Variants in VRTN observed in about 807,000 individuals in gnomAD.
VRTN encodes vertebrae development associated.
VRTN carries 5 observed loss-of-function variants against 18.2 expected under a neutral mutation model. That is an observed-to-expected ratio of 0.27 (90% CI 0.14 to 0.58). The LOEUF is 0.58. VRTN is among the 20% of genes least tolerant of loss of function. The pLI, the probability that VRTN is intolerant of heterozygous loss-of-function variation, is 0.91. For missense variants in VRTN, 741 were observed against 939.4 expected (o/e 0.79, Z 2.76); for synonymous variants, 381 against 393.7 (o/e 0.97, Z 0.38).
chr14:74,321,505 C>CTTT (rs564056249), intron 1 of VRTN, among the ~76,000 whole-genome samples: 12 of 129,104 alleles, frequency 9.3e-5, no homozygotes, highest in African/African-American at 2.4e-4. Flanking sequence ...CTTTCATTTG[C>CTTT]TTTTTTTTTT....
intron 1 of VRTN, among the ~76,000 whole-genome samples, chr14:74,336,895 T>A (rs1391477658): frequency 6.6e-6 from 1 of 152,222 alleles, no homozygotes; most frequent in Non-Finnish European, 1.5e-5. Context: ...GCTTTAGATC[T>A]TATCTAGATG....
At chr14:74,314,024 G>A (rs1246856900) in intron 1 of VRTN, among the ~76,000 whole-genome samples, 2 of 152,084 alleles carry the variant, frequency 1.3e-5, no homozygotes, top group Non-Finnish European at 2.9e-5. Context: ...GTATTGAAGG[G>A]GTGGAAAGGT....
rs1295870438 is a variant in VRTN at position 74,359,146 on chromosome 14, T to C, written c.*254T>C. 1.5e-6 allele frequency: 1 copy of C among 672,034 alleles called. No individual in the cohort carries two copies. Among genetic ancestry groups the C allele is most frequent in the Non-Finnish European group, 2.2e-6 (1 of 462,446 alleles). 41.6% of individuals were successfully genotyped at this position (672,034 alleles called of 1,614,324 possible). On this transcript the variant is annotated 3_prime_UTR_variant, in exon 2 of 2. Transcript: ENST00000256362. The stretch of plus-strand genomic sequence containing the variant: ...TTGTTTGCTGGTCATATTTTTACTG[T>C]TATGATTTAGTTTTTGGTTTTGATT...
intron 1 of VRTN, among the ~76,000 whole-genome samples, chr14:74,320,453 G>A (rs1476983845): frequency 3.3e-5 from 5 of 149,518 alleles, no homozygotes; most frequent in East Asian, 2.0e-4. Flanking sequence ...TAGTAGAGAC[G>A]GGGTTTTACC....
chr14:74,331,589 T>TATATATATATATAC (rs1296997236), intron 1 of VRTN, among the ~76,000 whole-genome samples: 2 of 114,948 alleles, frequency 1.7e-5, no homozygotes, highest in Non-Finnish European at 3.7e-5. Flanking sequence ...TATATATATA[T>TATATATATATATAC]ACAAAAAAGA....
chr14:74,318,224 C>T (rs1054663364), intron 1 of VRTN, among the ~76,000 whole-genome samples: 1 of 151,872 alleles, frequency 6.6e-6, no homozygotes, highest in African/African-American at 2.4e-5. Context: ...CTGCCTCAGC[C>T]TCCTGAATAG....
intron 1 of VRTN, among the ~76,000 whole-genome samples, chr14:74,319,519 C>G (rs938941280): frequency 2.6e-5 from 4 of 152,180 alleles, no homozygotes; most frequent in African/African-American, 9.7e-5. Flanking sequence ...TTGGACTGAG[C>G]AACTGAGTGA....
intron 1 of VRTN, among the ~76,000 whole-genome samples, chr14:74,319,483 C>A (rs2085438846): frequency 6.6e-6 from 1 of 152,204 alleles, no homozygotes; most frequent in Admixed American, 6.5e-5. Context: ...TATCAAAGAC[C>A]CCGCTTCAAG....
rs748049890 is a variant in VRTN at position 74,356,865 on chromosome 14, A to C, written c.82A>C (p.Ile28Leu). ...AVECEGLEGL[I>L]GASLEAKQVL... ...GGAGTGCGAAGGCCTGGAGGGTCTC[A>C]TAGGTGCTTCCTTGGAGGCCAAGCA... Residue 28 changes from isoleucine (I) to leucine (L), a missense_variant, in exon 2 of 2, where the codon ATA becomes CTA. By Grantham distance (5) the Ile-to-Leu change is conservative. Around this residue, in one of 3 missense-constraint regions of VRTN, gnomAD observed 186 missense variants for 288.3 expected, o/e 0.65. Transcript: ENST00000256362. 6 of 1,613,872 alleles carry C rather than the reference A, an allele frequency of 3.7e-6. No homozygotes were observed. The Admixed American group carries it at 8.3e-5, about 22-fold the overall frequency.
At chr14:74,333,941 T>C (rs940288848) in intron 1 of VRTN, among the ~76,000 whole-genome samples, 1 of 152,236 alleles carries the variant, frequency 6.6e-6, no homozygotes, top group Non-Finnish European at 1.5e-5. Flanking sequence ...TTGCTTTACA[T>C]GCACCATCTT....
chr14:74,306,909 A>G (rs2085356225), intron 1 of VRTN, among the ~76,000 whole-genome samples: 1 of 151,588 alleles, frequency 6.6e-6, no homozygotes, highest in African/African-American at 2.4e-5. Context: ...CCTGGCCTCT[A>G]GTTGTTTTAA....
chr14:74,342,488 A>AATGCATATATGTGT (rs1170717992), intron 2 of VRTN, among the ~76,000 whole-genome samples: 1 of 152,130 alleles, frequency 6.6e-6, no homozygotes, highest in African/African-American at 2.4e-5. Context: ...CATACACGTG[A>AATGCATATATGTGT]ATGTATATAT....
intron 1 of VRTN, among the ~76,000 whole-genome samples, chr14:74,335,529 CT>C (rs11349094): frequency 1 from 152,272 of 152,272 alleles, 76,136 homozygotes; most frequent in Non-Finnish European, 1. Flanking sequence ...ACTTGTATTT[CT>C]TTCATTTAAT....
At position 74,357,412 on chromosome 14, in the gene VRTN, G is replaced by A. The variant is rs766160257; in HGVS notation, c.629G>A (p.Arg210His). The stretch of plus-strand genomic sequence containing the variant: ...TTCAACCGTGTCATCCGGCCCCGCC[G>A]CTGCGACCACGTGCCCTCCACGCTG... Reference protein sequence around the residue: ...PYFNRVIRPRRCDHVPSTLHI... With the variant: ...PYFNRVIRPRHCDHVPSTLHI... The change falls in exon 2 of 2, where the codon CGC becomes CAC. Residue 210 changes from arginine to histidine, a missense_variant. Arg to His is a conservative substitution (Grantham distance 29). Around this residue, in one of 3 missense-constraint regions of VRTN, gnomAD observed 186 missense variants for 288.3 expected, o/e 0.65. Transcript: ENST00000256362. The surrounding 1 kb of genome is among the most constrained non-coding windows in gnomAD (Gnocchi z 7.8). 21 of 1,612,662 alleles carry A rather than the reference G, an allele frequency of 1.3e-5. No homozygotes were observed. Among genetic ancestry groups the A allele is most frequent in the Admixed American group, 8.3e-5 (5 of 59,994 alleles).
intron 1 of VRTN, among the ~76,000 whole-genome samples, chr14:74,319,946 G>C (rs2085442300): frequency 1.3e-5 from 2 of 152,160 alleles, no homozygotes; most frequent in South Asian, 4.1e-4. Context: ...AAGAATATGA[G>C]TGCTTCAAGA....
At position 74,358,365 on chromosome 14, in the gene VRTN, C is replaced by T. The variant is rs776507935; in HGVS notation, c.1582C>T (p.Arg528Cys). 32 of 1,613,642 alleles carry T rather than the reference C, an allele frequency of 2.0e-5. No individual in the cohort carries two copies. The highest frequency in any genetic ancestry group is 1.3e-4 in the Admixed American group (8 of 60,012). Residue 528 changes from arginine (R) to cysteine (C), a missense_variant, in exon 2 of 2, where the codon CGC becomes TGC. Physicochemically the swap from Arg to Cys is radical, Grantham distance 180 (BLOSUM62 -3). Transcript: ENST00000256362. The surrounding 1 kb of genome is among the most constrained non-coding windows in gnomAD (Gnocchi z 5.4). ...GCTGAGTGGGCATCTCCCTTTCTGC[C>T]GCTTCCGCCTCCGCTACCCCAGCCT... ...QVLSGHLPFC[R>C]FRLRYPSLSP...
intron 1 of VRTN, among the ~76,000 whole-genome samples, chr14:74,351,142 C>A (rs2085680410): frequency 6.6e-6 from 1 of 152,144 alleles, no homozygotes; most frequent in Non-Finnish European, 1.5e-5. Context: ...AAAACAAAAA[C>A]CCAACGTCTT....
chr14:74,335,255 TG>T (rs1315741436), intron 1 of VRTN, among the ~76,000 whole-genome samples: 4 of 152,164 alleles, frequency 2.6e-5, no homozygotes, highest in Non-Finnish European at 5.9e-5. Context: ...CACTCCAGCC[TG>T]GGTGACAGAG....
At chr14:74,351,660 C>T (rs76088356) in intron 1 of VRTN, among the ~76,000 whole-genome samples, 3 of 149,286 alleles carry the variant, frequency 2.0e-5, no homozygotes, top group East Asian at 2.0e-4. Flanking sequence ...TTTTTTTTTC[C>T]GTAGAGATGG....
Sources: gnomAD v4.1 joint callset for allele counts (sites outside exome capture counted in the v4.1 genomes callset) on GRCh38, gnomAD v4.1.1 for gene constraint, gnomAD v4.1.1 regional missense constraint, Gnocchi (gnomAD v3.1) non-coding constraint, MANE v1.5 for transcripts, NCBI Gene and HGNC (gene_info 2026-07-23, HGNC 2026-07-21) for gene names.